The following LCLAT1 variants were observed in gnomAD, a reference collection of about 807,000 sequenced individuals.
LCLAT1 encodes lysocardiolipin acyltransferase 1, also known as 1-AGP acyltransferase 8.
Under a neutral mutation model 30.7 loss-of-function variants are expected in LCLAT1, and 11 were observed. The ratio of observed to expected loss-of-function variants is 0.36; its 90% CI spans 0.23 to 0.59. LCLAT1 has a LOEUF of 0.59. LCLAT1 is among the 20% of genes least tolerant of loss of function. The probability of loss-of-function intolerance (pLI) is 0.77; values close to 1 mark genes in which losing one functional copy is unlikely to be tolerated. For synonymous variants in LCLAT1, 155 were observed against 151.3 expected (o/e 1.02, Z -0.18); for missense variants, 402 against 458.6 (o/e 0.88, Z 1.13).
At chr2:30,633,293 ACT>A (rs1668855034) in intron 5 of LCLAT1, among the ~76,000 whole-genome samples, 1 of 152,176 alleles carries the variant, frequency 6.6e-6, no homozygotes, top group Non-Finnish European at 1.5e-5. Context: ...TTAACTCAAA[ACT>A]CTAATCCATG....
At chr2:30,592,507 G>A (rs1350128283) in intron 5 of LCLAT1, among the ~76,000 whole-genome samples, 1 of 152,090 alleles carries the variant, frequency 6.6e-6, no homozygotes, top group African/African-American at 2.4e-5. Flanking sequence ...ATATATTAAT[G>A]TATAGTAAAG....
chr2:30,617,847 T>G (rs947412810), intron 5 of LCLAT1, among the ~76,000 whole-genome samples: 2 of 152,296 alleles, frequency 1.3e-5, no homozygotes, highest in African/African-American at 4.8e-5. Context: ...TTGGGTTGCT[T>G]TATTATGGGC....
chr2:30,607,723 G>A (rs557482733), intron 5 of LCLAT1: 15 of 152,122 alleles, frequency 9.9e-5, no homozygotes, highest in African/African-American at 3.1e-4. Flanking sequence ...CCAGAAGAAG[G>A]CATTGCTGTC....
At chr2:30,458,922 C>G (rs1681965886) in intron 1 of LCLAT1, among the ~76,000 whole-genome samples, 1 of 152,074 alleles carries the variant, frequency 6.6e-6, no homozygotes, top group South Asian at 2.1e-4. Flanking sequence ...TATGTATATA[C>G]TTATATTTAT....
At chr2:30,539,544 C>T (rs1664019730) in intron 3 of LCLAT1, among the ~76,000 whole-genome samples, 1 of 152,068 alleles carries the variant, frequency 6.6e-6, no homozygotes, top group South Asian at 2.1e-4. Context: ...CTATCTTCAA[C>T]TTATTTAAGA....
chr2:30,574,480 A>G (rs1213940745), intron 5 of LCLAT1, among the ~76,000 whole-genome samples: 1 of 152,170 alleles, frequency 6.6e-6, no homozygotes, highest in Non-Finnish European at 1.5e-5. Flanking sequence ...CAGCATCCTT[A>G]TGGGAAATAT....
chr2:30,458,304 G>A (rs908600654), intron 1 of LCLAT1, among the ~76,000 whole-genome samples: 4 of 152,216 alleles, frequency 2.6e-5, no homozygotes, highest in Non-Finnish European at 5.9e-5. Context: ...CTTTGTACTA[G>A]GAAGAAGCAT....
chr2:30,449,057 C>T (rs766911041), intron 1 of LCLAT1, among the ~76,000 whole-genome samples: 15 of 152,132 alleles, frequency 9.9e-5, no homozygotes, highest in African/African-American at 3.1e-4. Context: ...CACTGTGAGG[C>T]GGATACATTT....
chr2:30,539,703 CA>C (rs978332710), intron 3 of LCLAT1, among the ~76,000 whole-genome samples: 42 of 152,036 alleles, frequency 2.8e-4, no homozygotes, highest in African/African-American at 9.9e-4. Context: ...AATTAGATGT[CA>C]AAAAAATTTT....
chr2:30,494,384 T>C (rs1329970612), intron 1 of LCLAT1, among the ~76,000 whole-genome samples: 1 of 152,206 alleles, frequency 6.6e-6, no homozygotes, highest in African/African-American at 2.4e-5. Context: ...TTGAAAGACT[T>C]GTTTCACATG....
At chr2:30,623,819 C>A (rs1360776734) in intron 5 of LCLAT1, among the ~76,000 whole-genome samples, 9 of 152,110 alleles carry the variant, frequency 5.9e-5, no homozygotes, top group Non-Finnish European at 1.3e-4. Flanking sequence ...ATCAGGTTAT[C>A]TGAAGTCAAG....
At chr2:30,580,578 G>C (rs1006938927) in intron 5 of LCLAT1, among the ~76,000 whole-genome samples, 1 of 152,098 alleles carries the variant, frequency 6.6e-6, no homozygotes, top group East Asian at 1.9e-4. Context: ...CTGGGGTGTA[G>C]ACAACAGAAA....
chr2:30,478,070 TA>T (rs79364091), intron 1 of LCLAT1, among the ~76,000 whole-genome samples: 1,685 of 114,946 alleles, frequency 0.015, 9 homozygotes, highest in Middle Eastern at 0.038. Flanking sequence ...AGTGAGGGAT[TA>T]AAAAAAAAAA....
At chr2:30,528,263 T>A (rs940242407) in intron 2 of LCLAT1, among the ~76,000 whole-genome samples, 2 of 152,226 alleles carry the variant, frequency 1.3e-5, no homozygotes, top group African/African-American at 4.8e-5. Context: ...AAATTCTTAA[T>A]CTGGAAGAAA....
intron 1 of LCLAT1, among the ~76,000 whole-genome samples, chr2:30,462,113 T>G (rs1269873420): frequency 6.6e-6 from 1 of 152,124 alleles, no homozygotes; most frequent in Non-Finnish European, 1.5e-5. Flanking sequence ...CTCAGAACTT[T>G]CAGTTACTCT....
chr2:30,471,532 ACC>A (rs1682794069), intron 1 of LCLAT1, among the ~76,000 whole-genome samples: 1 of 151,990 alleles, frequency 6.6e-6, no homozygotes, highest in Admixed American at 6.5e-5. Flanking sequence ...TAATCCCTAA[ACC>A]TGGTATATCC....
intron 1 of LCLAT1, among the ~76,000 whole-genome samples, chr2:30,462,814 AT>A (rs1233756890): frequency 6.6e-6 from 1 of 152,214 alleles, no homozygotes; most frequent in Non-Finnish European, 1.5e-5. Context: ...AAGTTCAAAA[AT>A]TTTTTGGTAG....
intron 5 of LCLAT1, among the ~76,000 whole-genome samples, chr2:30,622,813 G>A (rs1668328379): frequency 6.6e-6 from 1 of 152,110 alleles, no homozygotes; most frequent in Admixed American, 6.5e-5. Context: ...AGCAGCTCTT[G>A]AGCCCCCAAT....
At chr2:30,584,657 T>A (rs1666348825) in intron 5 of LCLAT1, among the ~76,000 whole-genome samples, 1 of 152,214 alleles carries the variant, frequency 6.6e-6, no homozygotes, top group Non-Finnish European at 1.5e-5. Context: ...AAAACTTGGT[T>A]GTAGATACTG....
Sources: gnomAD v4.1 joint callset for allele counts (sites outside exome capture counted in the v4.1 genomes callset) on GRCh38, gnomAD v4.1.1 for gene constraint, MANE v1.5 for transcripts, NCBI Gene and HGNC (gene_info 2026-07-23, HGNC 2026-07-21) for gene names.